Variants in MICU3 observed in about 807,000 individuals in gnomAD.
The protein encoded by MICU3 is mitochondrial calcium uptake 3, also known as calcium uptake protein 3, mitochondrial.
Under a neutral mutation model 66.5 loss-of-function variants are expected in MICU3, and 62 were observed. The ratio of observed to expected loss-of-function variants is 0.93; its 90% CI spans 0.76 to 1.15. The LOEUF (loss-of-function observed/expected upper bound fraction) is 1.15. Among genes scored for constraint, MICU3 ranks in the 50% most tolerant of loss-of-function variants. The pLI is 0.00. For missense variants in MICU3, 779 were observed against 664.4 expected, an observed-to-expected ratio of 1.17 and a Z score of -1.90; for synonymous variants, 308 against 240.7, an observed-to-expected ratio of 1.28 and a Z score of -2.59.
chr8:17,085,839 A>G lies in MICU3; in HGVS notation c.777+521A>G, dbSNP rs1799414822. ...ATATTTACCTTTTGATGTTTCTTTGATGGGTCCAGCTCTGGCACTGGTCTG... is the reference window on the plus strand; with the variant it reads ...ATATTTACCTTTTGATGTTTCTTTGGTGGGTCCAGCTCTGGCACTGGTCTG... On this transcript the variant is annotated intron_variant, in intron 6 of 14. Coordinates refer to ENST00000318063, the MANE Select transcript of MICU3 (RefSeq NM_181723.3). 2.0e-5 allele frequency among the ~76,000 whole-genome samples: 3 copies of G among 151,806 alleles called. No homozygotes were observed. In the South Asian group the frequency reaches 6.2e-4, roughly 32 times the overall value.
intron 9 of MICU3, chr8:17,102,599 A>G (rs1021470637): frequency 1.3e-5 from 2 of 151,926 alleles, no homozygotes; most frequent in Non-Finnish European, 2.9e-5. Flanking sequence ...AGTTCTGGGG[A>G]CAGTAATGCC....
At chr8:17,096,964 TG>T in intron 8 of MICU3, among the ~76,000 whole-genome samples, 1 of 93,764 alleles carries the variant, frequency 1.1e-5, no homozygotes, top group Non-Finnish European at 2.1e-5. Flanking sequence ...TTTGTGTGTG[TG>T]TGTGTGTGTG....
chr8:17,071,597 A>G (rs1819596727), intron 3 of MICU3, among the ~76,000 whole-genome samples: 1 of 152,178 alleles, frequency 6.6e-6, no homozygotes, highest in Admixed American at 6.5e-5. Flanking sequence ...CATAATATGT[A>G]GTATGAAAAA....
intron 5 of MICU3, among the ~76,000 whole-genome samples, chr8:17,084,618 G>A (rs1233160492): frequency 6.6e-6 from 1 of 152,074 alleles, no homozygotes; most frequent in African/African-American, 2.4e-5. Flanking sequence ...GAAGTGAAAA[G>A]GAGAAAGAGA....
At chr8:17,046,923 T>G (rs1484615312) in intron 1 of MICU3, among the ~76,000 whole-genome samples, 1 of 152,098 alleles carries the variant, frequency 6.6e-6, no homozygotes, top group Non-Finnish European at 1.5e-5. Flanking sequence ...CAGACATAGC[T>G]GGCAGAAAGA....
At chr8:17,051,070 A>T (rs949570744) in intron 1 of MICU3, among the ~76,000 whole-genome samples, 1 of 152,160 alleles carries the variant, frequency 6.6e-6, no homozygotes, top group Non-Finnish European at 1.5e-5. Context: ...TTTTATATAC[A>T]TCTGAAACTT....
At chr8:17,127,574 G>C (rs956572605), downstream of MICU3, among the ~76,000 whole-genome samples, 3 of 113,048 alleles carry the variant, frequency 2.7e-5, no homozygotes, top group African/African-American at 7.4e-5. Flanking sequence ...TTTACTATTT[G>C]GACTGAGAAG....
At chr8:17,064,311 T>A in intron 2 of MICU3, 74 bp downstream of exon 2, 1 of 1,204,092 alleles carries the variant, frequency 8.3e-7, no homozygotes, top group Non-Finnish European at 1.2e-6. Flanking sequence ...GATGGAGCAG[T>A]ATAAGTTTTT....
At chr8:17,138,436 C>T in the MICU3 span, among the ~76,000 whole-genome samples, 1 of 152,100 alleles carries the variant, frequency 6.6e-6, no homozygotes, top group Non-Finnish European at 1.5e-5. Flanking sequence ...TGTGACAAGT[C>T]AGCTAATCTT....
intron 1 of MICU3, among the ~76,000 whole-genome samples, chr8:17,063,630 T>C (rs1419013934): frequency 6.6e-6 from 1 of 151,604 alleles, no homozygotes; most frequent in Admixed American, 6.6e-5. Context: ...GTGGTAGTTA[T>C]AAGTAGCCTA....
At chr8:17,091,214 CCTT>C (rs1259016210) in intron 8 of MICU3, among the ~76,000 whole-genome samples, 10 of 152,048 alleles carry the variant, frequency 6.6e-5, no homozygotes, top group African/African-American at 2.2e-4. Context: ...CCAGTTGTAC[CCTT>C]CTTCTTATGC....
chr8:17,138,298 C>G, the MICU3 span, among the ~76,000 whole-genome samples: 571 of 151,522 alleles, frequency 3.8e-3, 6 homozygotes, highest in African/African-American at 0.013. Flanking sequence ...TAGATAATAG[C>G]AAGATGTTAT....
At chr8:17,137,898 G>A in the MICU3 span, among the ~76,000 whole-genome samples, 16 of 151,610 alleles carry the variant, frequency 1.1e-4, no homozygotes, top group South Asian at 4.2e-4. Context: ...TGTATTTTTC[G>A]TAGAGACAGG....
intron 3 of MICU3, among the ~76,000 whole-genome samples, chr8:17,070,638 G>GT (rs34903088): frequency 7.1e-6 from 1 of 140,118 alleles, no homozygotes; most frequent in African/African-American, 2.9e-5. Context: ...TTATAGATAT[G>GT]TTTTTTTTTT....
At chr8:17,030,429 C>T (rs1811818407) in intron 1 of MICU3, among the ~76,000 whole-genome samples, 1 of 152,216 alleles carries the variant, frequency 6.6e-6, no homozygotes. Flanking sequence ...TTCTCTGATG[C>T]TGTTGAGCGT....
chr8:17,036,286 C>G (rs552156354), intron 1 of MICU3, among the ~76,000 whole-genome samples: 5 of 152,072 alleles, frequency 3.3e-5, no homozygotes, highest in Non-Finnish European at 7.4e-5. Flanking sequence ...TGCAGATCTT[C>G]GCTGTGAGTG....
intron 4 of MICU3, among the ~76,000 whole-genome samples, chr8:17,080,569 A>G (rs1821034672): frequency 6.6e-6 from 1 of 151,906 alleles, no homozygotes; most frequent in African/African-American, 2.4e-5. Flanking sequence ...TTTTTGAGGG[A>G]TCCCTACAGA....
chr8:17,131,135 A>G, the MICU3 span: 2 of 152,242 alleles, frequency 1.3e-5, no homozygotes, highest in Non-Finnish European at 2.9e-5. Flanking sequence ...ATTTTAATGT[A>G]AGAAATGATT....
chr8:17,084,829 T>C (rs921342159), intron 5 of MICU3, among the ~76,000 whole-genome samples: 1 of 152,074 alleles, frequency 6.6e-6, no homozygotes, highest in African/African-American at 2.4e-5. Flanking sequence ...TTTTCATAGG[T>C]CATTTTAGTT....
Sources: allele counts gnomAD v4.1 joint callset (sites outside exome capture counted in the v4.1 genomes callset), GRCh38; gene constraint gnomAD v4.1.1; transcripts MANE v1.5; gene names NCBI Gene and HGNC (gene_info 2026-07-23, HGNC 2026-07-21).